DIAPH2: variants seen among roughly 807,000 people sequenced by gnomAD.
DIAPH2 encodes protein diaphanous homolog 2.
DIAPH2 carries 35 observed loss-of-function variants against 92.7 expected under a neutral mutation model. The ratio of observed to expected loss-of-function variants is 0.38; its 90% CI spans 0.29 to 0.50. DIAPH2 has a LOEUF of 0.50. Ranked by LOEUF, DIAPH2 falls within the 20% of genes least tolerant of loss-of-function variation. The pLI, the probability that DIAPH2 is intolerant of heterozygous loss-of-function variation, is 0.94. For missense variants in DIAPH2, 701 were observed against 819.5 expected, an observed-to-expected ratio of 0.86 and a Z score of 1.77; for synonymous variants, 301 against 280.4, an observed-to-expected ratio of 1.07 and a Z score of -0.73.
chrX:97,114,882 T>G lies in DIAPH2; in HGVS notation c.2506T>G (p.Leu836Val). Residue 836 changes from leucine (L) to valine (V), a missense_variant, in exon 21 of 27, where the codon TTA becomes GTA. Around this residue, in one of 3 missense-constraint regions of DIAPH2, gnomAD observed 536 missense variants for 599.3 expected, o/e 0.89. Transcript: ENST00000324765. ...TGAAAGCTTTAACAGACTTTTAGAGTTAGTTCTTCTTGTTGGAAACTACAT... is the reference window on the plus strand; with the variant it reads ...TGAAAGCTTTAACAGACTTTTAGAGGTAGTTCTTCTTGTTGGAAACTACAT... ...KSESFNRLLE[L>V]VLLVGNYMNS... is the part of the protein sequence containing the mutation. 1 of 1,209,456 alleles carries G rather than the reference T, an allele frequency of 8.3e-7. No homozygotes were observed. Among genetic ancestry groups the G allele is most frequent in the Non-Finnish European group, 1.1e-6 (1 of 894,140 alleles).
intron 23 of DIAPH2, among the ~76,000 whole-genome samples, chrX:97,265,778 T>C (rs1163716433): frequency 8.9e-6 from 1 of 111,782 alleles, no homozygotes; most frequent in Non-Finnish European, 1.9e-5. Flanking sequence ...TGTAGGTCCT[T>C]GTTGGCCAGG....
chrX:97,385,880 C>CA (rs1266084920), intron 25 of DIAPH2, among the ~76,000 whole-genome samples: 5 of 112,027 alleles, frequency 4.5e-5, no homozygotes, highest in Non-Finnish European at 9.4e-5. Context: ...AAAACTGAGG[C>CA]ACAGAGAAGT....
chrX:96,884,636 G>A (rs2065245882), intron 5 of DIAPH2: 1 of 1,210,693 alleles, frequency 8.3e-7, no homozygotes, highest in Non-Finnish European at 1.1e-6. Flanking sequence ...CAGTGGTTTG[G>A]TAGAGAGAAA....
intron 26 of DIAPH2, 107 bp downstream of exon 26, chrX:97,429,852 CTTTT>C (rs1312322909): frequency 1.3e-6 from 1 of 755,528 alleles, no homozygotes; most frequent in African/African-American, 2.2e-5. Flanking sequence ...CTCATGAAGA[CTTTT>C]TTTAACAGTT....
At chrX:97,333,668 G>A (rs988579865) in intron 23 of DIAPH2, among the ~76,000 whole-genome samples, 7 of 109,617 alleles carry the variant, frequency 6.4e-5, no homozygotes, top group Admixed American at 2.0e-4. Flanking sequence ...AGGTTCAAGC[G>A]ATTCTCCTGC....
intron 5 of DIAPH2, among the ~76,000 whole-genome samples, chrX:96,888,527 CTATA>C (rs1159659549): frequency 3.1e-5 from 3 of 98,240 alleles, no homozygotes; most frequent in East Asian, 3.1e-4. Flanking sequence ...ATACATATAT[CTATA>C]TATATACATA....
At chrX:97,103,423 C>T (rs1028088836) in intron 20 of DIAPH2, among the ~76,000 whole-genome samples, 1 of 110,514 alleles carries the variant, frequency 9.0e-6, no homozygotes, top group Non-Finnish European at 1.9e-5. Context: ...TCTCTGCTTC[C>T]TTAACTCTCA....
chrX:96,724,100 A>T (rs1337748631), intron 1 of DIAPH2, among the ~76,000 whole-genome samples: 1 of 108,232 alleles, frequency 9.2e-6, no homozygotes, highest in Non-Finnish European at 1.9e-5. Flanking sequence ...ATTTTTTTGT[A>T]TTTTTAGCAG....
At chrX:97,163,362 G>T (rs1188264917) in intron 22 of DIAPH2, among the ~76,000 whole-genome samples, 2 of 110,375 alleles carry the variant, frequency 1.8e-5, no homozygotes, top group Non-Finnish European at 3.8e-5. Flanking sequence ...GCTGATTTTT[G>T]TATTTTTTTC....
At chrX:97,213,409 T>A (rs139757535) in intron 22 of DIAPH2, among the ~76,000 whole-genome samples, 2,694 of 111,710 alleles carry the variant, frequency 0.024, 77 homozygotes, top group African/African-American at 0.084. Flanking sequence ...TGTGTTTTCA[T>A]TGAAATGTTA....
In DIAPH2 at chrX:97,351,757, C is replaced by G. The variant is rs1270134930; in HGVS notation, c.3009+3477C>G. On this transcript the variant is annotated intron_variant, in intron 24 of 26. Transcript: ENST00000324765. ...GGCGGAGCTTGCAGTGAGCCAAGAT[C>G]ACGCCACTGTACTCCAGCCTGGGCG... 3.6e-5 allele frequency among the ~76,000 whole-genome samples: 4 copies of G among 110,739 alleles called. 1 individual carries two copies. In the Admixed American group the frequency reaches 3.8e-4, roughly 11 times the overall value.
chrX:97,386,433 G>A (rs746264466), intron 25 of DIAPH2, among the ~76,000 whole-genome samples: 17 of 111,895 alleles, frequency 1.5e-4, no homozygotes, highest in Non-Finnish European at 2.1e-4. Context: ...ACTTTGGGAG[G>A]CTAAGGTGGG....
chrX:97,446,109 T>C (rs1238311234), intron 26 of DIAPH2, among the ~76,000 whole-genome samples: 4 of 111,491 alleles, frequency 3.6e-5, no homozygotes, highest in Non-Finnish European at 7.5e-5. Flanking sequence ...CAAGTGTTTG[T>C]GATAGTGAGT....
At chrX:97,250,514 G>C (rs917931758) in intron 23 of DIAPH2, among the ~76,000 whole-genome samples, 2 of 111,940 alleles carry the variant, frequency 1.8e-5, no homozygotes, top group Non-Finnish European at 3.8e-5. Context: ...AAGTATGCTA[G>C]ACATTGCCAG....
chrX:96,903,443 T>C (rs1487956231), intron 5 of DIAPH2, among the ~76,000 whole-genome samples: 1 of 111,963 alleles, frequency 8.9e-6, no homozygotes, highest in African/African-American at 3.2e-5. Flanking sequence ...ATATTACTTA[T>C]CTTAGGAAAA....
At chrX:97,576,862 A>G (rs776454732) in intron 26 of DIAPH2, among the ~76,000 whole-genome samples, 1 of 112,022 alleles carries the variant, frequency 8.9e-6, no homozygotes, top group Admixed American at 9.5e-5. Flanking sequence ...TCGTTTAGAA[A>G]CAATACATAC....
At chrX:97,516,984 T>C (rs2070953702) in intron 26 of DIAPH2, among the ~76,000 whole-genome samples, 1 of 112,643 alleles carries the variant, frequency 8.9e-6, no homozygotes, top group African/African-American at 3.2e-5. Context: ...GCAAATTATG[T>C]ATATTCAAGG....
At chrX:97,409,097 A>G (rs2069840735) in intron 25 of DIAPH2, among the ~76,000 whole-genome samples, 2 of 111,550 alleles carry the variant, frequency 1.8e-5, no homozygotes, top group African/African-American at 6.5e-5. Context: ...TGGAGAGGAA[A>G]CTCTGATTAT....
intron 15 of DIAPH2, among the ~76,000 whole-genome samples, chrX:96,950,608 C>T (rs774715926): frequency 9.0e-6 from 1 of 111,722 alleles, no homozygotes; most frequent in African/African-American, 3.3e-5. Flanking sequence ...TGATGTCTCG[C>T]CTGGACTATT....
Sources: allele counts gnomAD v4.1 joint callset (sites outside exome capture counted in the v4.1 genomes callset), GRCh38; gene constraint gnomAD v4.1.1; regional missense constraint gnomAD v4.1.1; transcripts MANE v1.5; gene names NCBI Gene and HGNC (gene_info 2026-07-23, HGNC 2026-07-21).